Variants in HMGN5 observed in about 807,000 individuals in gnomAD.
HMGN5 encodes high mobility group nucleosome binding domain 5.
In HMGN5, 4 loss-of-function variants were observed where a neutral mutation model predicts 9.5. The observed-to-expected ratio is 0.42, with a 90% CI of 0.21 to 0.96. The LOEUF is 0.96. Ranked by LOEUF, HMGN5 falls within the 40% of genes least tolerant of loss-of-function variation. HMGN5 has a pLI of 0.30. For synonymous variants in HMGN5, 55 were observed against 57.1 expected (o/e 0.96, Z 0.16); for missense variants, 192 against 187.5 (o/e 1.02, Z -0.14).
chrX:81,179,987 A>G (rs1193221980), intron 1 of HMGN5, among the ~76,000 whole-genome samples: 1 of 111,766 alleles, frequency 8.9e-6, no homozygotes, highest in Non-Finnish European at 1.9e-5. Flanking sequence ...TGCTGGGAAA[A>G]CTGGCTAGCC....
chrX:81,114,663 G>A lies in HMGN5; in HGVS notation c.835C>T (p.Gln279Ter), dbSNP rs1433841319. 2.0e-5 allele frequency: 23 copies of A among 1,137,363 alleles called. No individual in the cohort carries two copies. The highest frequency in any genetic ancestry group is 2.7e-5 in the Non-Finnish European group (23 of 862,942). 93.7% of individuals were successfully genotyped at this position (1,137,363 alleles called of 1,213,427 possible). A position where few individuals can be genotyped will look rare whatever the true frequency, so the allele number is the denominator to read the frequency against. Residue 279 changes from glutamine to a stop codon, truncating the protein, a stop_gained, in exon 7 of 7, where the codon CAG (glutamine) becomes TAG (stop). Transcript: ENST00000358130. LOFTEE classifies it high-confidence loss of function. The stretch of plus-strand genomic sequence containing the variant: ...ATAGGGCAGTTTTAAACAATACTCT[G>A]TGGCTCCTCTTTTTTTCCATCATCT... ...KEDDGKKEEP[Q>*]SIV
At chrX:81,124,540 C>CCAA (rs1438625047) in intron 1 of HMGN5, among the ~76,000 whole-genome samples, 1 of 111,927 alleles carries the variant, frequency 8.9e-6, no homozygotes, top group Non-Finnish European at 1.9e-5. Context: ...TCCTTTTTTT[C>CCAA]CCAACCACTC....
chrX:81,183,439 G>C (rs1288818723), intron 1 of HMGN5, among the ~76,000 whole-genome samples: 6 of 92,765 alleles, frequency 6.5e-5, no homozygotes, highest in Non-Finnish European at 1.3e-4. Flanking sequence ...CTGTATCCCA[G>C]CTGCTCCAAT....
At chrX:81,144,097 A>C (rs977604474) in intron 1 of HMGN5, among the ~76,000 whole-genome samples, 1 of 111,735 alleles carries the variant, frequency 8.9e-6, no homozygotes, top group African/African-American at 3.2e-5. Context: ...ACGTCCCTGC[A>C]TGACAGCTCT....
At position 81,151,530 on chromosome X, in the gene HMGN5, A is replaced by C. The variant is rs778166520; in HGVS notation, c.-123-29858T>G. Among the ~76,000 whole-genome samples the C allele has an allele frequency of 4.7e-4, 52 of 109,684 alleles. No homozygotes were observed. The South Asian group carries it at 0.018, about 39-fold the overall frequency. ...GGGGATGGCATTGAATCTATAAATT[A>C]CCTTGGGCAGTATGGCCATTTTCAC... On this transcript the variant is annotated intron_variant, in intron 1 of 6. Transcript: ENST00000358130.
At chrX:81,120,165 C>T (rs996172776) in intron 2 of HMGN5, among the ~76,000 whole-genome samples, 4 of 111,889 alleles carry the variant, frequency 3.6e-5, no homozygotes, top group African/African-American at 1.3e-4. Flanking sequence ...CAAATGAAGG[C>T]GGAGCTTCAT....
At chrX:81,144,117 A>T in intron 1 of HMGN5, among the ~76,000 whole-genome samples, 1 of 111,822 alleles carries the variant, frequency 8.9e-6, no homozygotes, top group South Asian at 3.8e-4. Context: ...TTAAAAGAGC[A>T]TCTGATCTCC....
intron 1 of HMGN5, among the ~76,000 whole-genome samples, chrX:81,144,250 T>A (rs1257001614): frequency 9.0e-6 from 1 of 110,835 alleles, no homozygotes. Context: ...ACAGGAGAGC[T>A]CTCACTGGCA....
At chrX:81,186,614 T>C (rs1023867887) in intron 1 of HMGN5, among the ~76,000 whole-genome samples, 8 of 111,885 alleles carry the variant, frequency 7.2e-5, no homozygotes, top group African/African-American at 2.6e-4. Flanking sequence ...AGCTCTGATA[T>C]CATTTCTTTG....
chrX:81,126,147 CAAAAAA>C (rs776769640), intron 1 of HMGN5, among the ~76,000 whole-genome samples: 61 of 47,743 alleles, frequency 1.3e-3, no homozygotes, highest in African/African-American at 4.3e-3. Flanking sequence ...GACGCAGTCT[CAAAAAA>C]AAAAAAAAAA....
intron 1 of HMGN5, chrX:81,197,787 G>T (rs969371994): frequency 2.0e-5 from 2 of 97,761 alleles, no homozygotes; most frequent in African/African-American, 7.5e-5. Flanking sequence ...TACTACGGTA[G>T]TATAAGACAA....
chrX:81,135,810 T>C (rs1220843939), intron 1 of HMGN5, among the ~76,000 whole-genome samples: 8 of 111,204 alleles, frequency 7.2e-5, no homozygotes, highest in Admixed American at 6.7e-4. Context: ...ATAACTCATG[T>C]TGAAATTTAA....
intron 1 of HMGN5, among the ~76,000 whole-genome samples, chrX:81,122,637 A>G (rs1004859757): frequency 1.8e-5 from 2 of 112,029 alleles, no homozygotes; most frequent in Admixed American, 1.9e-4. Context: ...GAATTTTGAT[A>G]TTTAAAAAGA....
intron 1 of HMGN5, among the ~76,000 whole-genome samples, chrX:81,136,875 T>C (rs2075312615): frequency 9.0e-6 from 1 of 111,050 alleles, no homozygotes; most frequent in Non-Finnish European, 1.9e-5. Context: ...ACCAAGTAAA[T>C]ACTAATTTTA....
At chrX:81,148,346 T>A (rs1377258361) in intron 1 of HMGN5, among the ~76,000 whole-genome samples, 1 of 112,078 alleles carries the variant, frequency 8.9e-6, no homozygotes, top group African/African-American at 3.2e-5. Flanking sequence ...AACCATCTGA[T>A]CTTTGACAAA....
intron 1 of HMGN5, among the ~76,000 whole-genome samples, chrX:81,147,889 C>A (rs939837349): frequency 2.7e-5 from 3 of 111,177 alleles, no homozygotes; most frequent in Non-Finnish European, 5.7e-5. Context: ...ACAATTGCTA[C>A]AAAGAGAATA....
intron 1 of HMGN5, among the ~76,000 whole-genome samples, chrX:81,138,748 TA>T (rs1188384269): frequency 4.5e-5 from 5 of 111,480 alleles, no homozygotes; most frequent in Non-Finnish European, 7.6e-5. Context: ...TTGAAGTCTA[TA>T]AAAAAACCTC....
chrX:81,150,488 C>A (rs1048892479), intron 1 of HMGN5, among the ~76,000 whole-genome samples: 3 of 111,516 alleles, frequency 2.7e-5, no homozygotes, highest in African/African-American at 9.8e-5. Context: ...TCGCTTTGAA[C>A]CCAGGAGGCG....
intron 1 of HMGN5, among the ~76,000 whole-genome samples, chrX:81,189,007 T>A (rs1366556129): frequency 8.9e-6 from 1 of 112,168 alleles, no homozygotes; most frequent in Non-Finnish European, 1.9e-5. Context: ...AATGTTCTTT[T>A]ATTTCTGACT....
Sources: allele counts gnomAD v4.1 joint callset (sites outside exome capture counted in the v4.1 genomes callset), GRCh38; gene constraint gnomAD v4.1.1; transcripts MANE v1.5; gene names NCBI Gene and HGNC (gene_info 2026-07-23, HGNC 2026-07-21).